The following DEPDC5 variants were observed in gnomAD, a reference collection of about 807,000 sequenced individuals.
DEPDC5 encodes GATOR1 complex protein DEPDC5.
In DEPDC5, 73 loss-of-function variants were observed where a neutral mutation model predicts 217.3. That is an observed-to-expected ratio of 0.34 (90% confidence interval 0.28 to 0.41). The LOEUF (loss-of-function observed/expected upper bound fraction) is 0.41. Among genes scored for constraint, DEPDC5 ranks in the 10% least tolerant of loss-of-function variants. The pLI, the probability that DEPDC5 is intolerant of heterozygous loss-of-function variation, is 1.00. For missense variants in DEPDC5, 1,675 were observed against 2,070.1 expected, an observed-to-expected ratio of 0.81 and a Z score of 3.70; for synonymous variants, 733 against 756.7, an observed-to-expected ratio of 0.97 and a Z score of 0.51.
chr22:31,878,547 G>GAA lies in DEPDC5; in HGVS notation c.3806-963_3806-962dup, dbSNP rs113310189. Among the ~76,000 whole-genome samples the GAA allele has an allele frequency of 8.2e-5, 11 of 134,268 alleles. No individual in the cohort carries two copies. The East Asian group carries it at 2.1e-3, about 26-fold the overall frequency. The allele number at this position is 134,268 out of a possible 152,430, so 88.1% of individuals were successfully genotyped here. A position where few individuals can be genotyped will look rare whatever the true frequency, so the allele number is the denominator to read the frequency against. ...ACATAGCGAAACCCCATCTCTACAG[G>GAA]AAAAAAAAAAAAAAAATTGGCTGGG... On this transcript the variant is annotated intron_variant, in intron 37 of 42. Transcript: ENST00000651528.
chr22:31,836,801 TTC>T (rs2091032264), intron 25 of DEPDC5, 169 bp from the exon 26 acceptor site: 2 of 614,864 alleles, frequency 3.3e-6, no homozygotes, highest in Non-Finnish European at 5.7e-6. Flanking sequence ...CAAACTCTGT[TTC>T]TCTCTCTTTC....
chr22:31,878,860 G>A (rs2093079349), intron 37 of DEPDC5, among the ~76,000 whole-genome samples: 1 of 151,596 alleles, frequency 6.6e-6, no homozygotes, highest in African/African-American at 2.4e-5. Flanking sequence ...CCAACATGGT[G>A]AAATCCCGTC....
At chr22:31,782,596 C>T (rs780512999) in intron 8 of DEPDC5, among the ~76,000 whole-genome samples, 1 of 152,182 alleles carries the variant, frequency 6.6e-6, no homozygotes. Context: ...TTCCTTGAGG[C>T]AGTCTGAGTG....
intron 7 of DEPDC5, among the ~76,000 whole-genome samples, chr22:31,776,993 C>G (rs1426007266): frequency 6.6e-6 from 1 of 150,452 alleles, no homozygotes; most frequent in Non-Finnish European, 1.5e-5. Context: ...GACAGAGTCT[C>G]GCTCTGTTGC....
In DEPDC5 at chr22:31,819,137, G is replaced by C. The variant is rs1446743254; in HGVS notation, c.1782G>C (p.Gln594His). The change falls in exon 22 of 43, where the codon CAG becomes CAC. Residue 594 changes from glutamine (Q) to histidine (H), a missense_variant. Physicochemically the swap from Gln to His is conservative, Grantham distance 24 (BLOSUM62 0). Coordinates refer to ENST00000651528, the MANE Select transcript of DEPDC5 (RefSeq NM_001242896.3). The part of the protein sequence containing the change: ...LHVRPGGYTP[Q>H]RALINPFAPS... ...TTCGACCTGGTGGATACACGCCCCA[G>C]AGAGCACTGATTAACCCCTTCGCTC... 8 of 1,614,188 alleles carry C rather than the reference G, an allele frequency of 5.0e-6. No individual in the cohort carries two copies. In the Middle Eastern group the frequency reaches 8.2e-4, roughly 166 times the overall value.
chr22:31,807,240 T>C (rs1022300078), intron 18 of DEPDC5, among the ~76,000 whole-genome samples: 52 of 152,292 alleles, frequency 3.4e-4, no homozygotes, highest in African/African-American at 1.3e-3. Context: ...GGCACTTCCA[T>C]TTTGGGGCAT....
intron 31 of DEPDC5, among the ~76,000 whole-genome samples, chr22:31,854,298 T>A (rs569607739): frequency 6.6e-6 from 1 of 152,306 alleles, no homozygotes; most frequent in South Asian, 2.1e-4. Flanking sequence ...ACTCAGTACA[T>A]GTGGACTGTC....
intron 41 of DEPDC5, among the ~76,000 whole-genome samples, chr22:31,904,791 C>A (rs2093727851): frequency 6.6e-6 from 1 of 152,200 alleles, no homozygotes; most frequent in Non-Finnish European, 1.5e-5. Context: ...TATAATCAGC[C>A]TGTAGACAGG....
chr22:31,757,811 T>C (rs560631701), intron 2 of DEPDC5, among the ~76,000 whole-genome samples: 11 of 152,316 alleles, frequency 7.2e-5, no homozygotes, highest in African/African-American at 2.6e-4. Context: ...TCACTCAGGC[T>C]GGAGTGCAGT....
chr22:31,901,387 C>T (rs1264727648), intron 40 of DEPDC5, among the ~76,000 whole-genome samples: 1 of 152,164 alleles, frequency 6.6e-6, no homozygotes, highest in African/African-American at 2.4e-5. Context: ...CATGCATTTA[C>T]AGTTTATCTT....
Position 31,870,700 on chromosome 22 carries a change from CAT to C in DEPDC5, c.3443_3444del (p.Ile1148ArgfsTer12), listed in dbSNP as rs1199190973. The C allele has an allele frequency of 6.2e-7, 1 of 1,600,944 alleles. No individual in the cohort carries two copies. The highest frequency in any genetic ancestry group is 2.3e-5 in the East Asian group (1 of 43,554). ...NSQTFGNSQN[I>X]GEQGYSSTNS... ...GCCAGACCTTTGGGAACTCCCAGAA[CAT>C]AGGAGAACAGGGCTACTCCTCCACA... is the stretch of plus-strand genomic sequence containing the variant. On this transcript the variant is annotated frameshift_variant, in exon 34 of 43. Coordinates refer to ENST00000651528, the MANE Select transcript of DEPDC5 (RefSeq NM_001242896.3). LOFTEE classifies it high-confidence loss of function.
At chr22:31,795,498 A>G (rs1279343721) in intron 12 of DEPDC5, among the ~76,000 whole-genome samples, 3 of 151,788 alleles carry the variant, frequency 2.0e-5, no homozygotes, top group Non-Finnish European at 4.4e-5. Context: ...GGTTCAAGCA[A>G]TTCTCCTGCC....
chr22:31,876,807 C>A (rs964638446), intron 37 of DEPDC5, among the ~76,000 whole-genome samples: 1 of 152,008 alleles, frequency 6.6e-6, no homozygotes, highest in African/African-American at 2.4e-5. Flanking sequence ...AGAGGGAAAA[C>A]TTTTTTAGCG....
chr22:31,899,022 G>C (rs1190040057), intron 40 of DEPDC5, among the ~76,000 whole-genome samples: 1 of 152,256 alleles, frequency 6.6e-6, no homozygotes, highest in Non-Finnish European at 1.5e-5. Context: ...GGAACAGAGA[G>C]ATCTTCCCCC....
chr22:31,869,069 T>C (rs555942078), intron 33 of DEPDC5, among the ~76,000 whole-genome samples: 2 of 152,034 alleles, frequency 1.3e-5, no homozygotes, highest in East Asian at 3.9e-4. Flanking sequence ...ATAGCTAGAC[T>C]CTGTCTCTAC....
intron 11 of DEPDC5, 62 bp downstream of exon 11, chr22:31,792,164 G>A (rs2085740268): frequency 1.1e-5 from 14 of 1,225,172 alleles, no homozygotes; most frequent in Non-Finnish European, 1.5e-5. Flanking sequence ...CCCCACCCCA[G>A]CCATTTCCTT....
chr22:31,878,142 A>G (rs560495942), intron 37 of DEPDC5, among the ~76,000 whole-genome samples: 2 of 151,784 alleles, frequency 1.3e-5, no homozygotes, highest in African/African-American at 2.4e-5. Flanking sequence ...AGCCAAGATC[A>G]TGCCACTGCA....
chr22:31,822,611 T>G, intron 23 of DEPDC5, 82 bp from the exon 24 acceptor site: 1 of 1,385,394 alleles, frequency 7.2e-7, no homozygotes, highest in Non-Finnish European at 1.0e-6. Flanking sequence ...TGAACCTACC[T>G]CCCACCCCCG....
At position 31,837,081 on chromosome 22, in the gene DEPDC5, C is replaced by G. The variant is rs1569060547; in HGVS notation, c.2280C>G (p.Phe760Leu). 1 of 1,614,196 alleles carries G rather than the reference C, an allele frequency of 6.2e-7. No homozygotes were observed. The highest frequency in any genetic ancestry group is 8.5e-7 in the Non-Finnish European group (1 of 1,180,032). Reference protein sequence around the residue: ...PACLPLTTDYFPDRQGLQNDY... With the variant: ...PACLPLTTDYLPDRQGLQNDY... ...GCCTCCCCCTTACCACCGACTACTT[C>G]CCTGACCGCCAGGGCCTGCAGAATG... Residue 760 changes from phenylalanine (F) to leucine (L), a missense_variant, in exon 26 of 43, where the codon TTC becomes TTG. Physicochemically the swap from Phe to Leu is conservative, Grantham distance 22. This residue lies in a region of DEPDC5 where 293 missense variants were observed against 386.1 expected (regional missense o/e 0.76). Transcript: ENST00000651528.
Sources: gnomAD v4.1 joint callset for allele counts (sites outside exome capture counted in the v4.1 genomes callset) on GRCh38, gnomAD v4.1.1 for gene constraint, gnomAD v4.1.1 regional missense constraint, MANE v1.5 for transcripts, NCBI Gene and HGNC (gene_info 2026-07-23, HGNC 2026-07-21) for gene names.